The following NOS1AP variants were observed in gnomAD, a reference collection of about 807,000 sequenced individuals.
NOS1AP encodes the protein nitric oxide synthase 1 adaptor protein.
A neutral mutation model predicts 56.2 loss-of-function variants in NOS1AP; 21 were observed. The ratio of observed to expected loss-of-function variants is 0.37; its 90% CI spans 0.26 to 0.54. The LOEUF (loss-of-function observed/expected upper bound fraction) is 0.54, where lower values mean the gene tolerates loss of function less well. Among genes scored for constraint, NOS1AP ranks in the 20% least tolerant of loss-of-function variants. The pLI is 0.84. For missense variants in NOS1AP, 522 were observed against 657.8 expected (o/e 0.79, Z 2.26); for synonymous variants, 270 against 274.6 (o/e 0.98, Z 0.17).
chr1:162,107,956 CAATAA>C (rs1056213469), intron 1 of NOS1AP, among the ~76,000 whole-genome samples: 1 of 140,808 alleles, frequency 7.1e-6, no homozygotes, highest in Non-Finnish European at 1.6e-5. Context: ...GACATTTGAA[CAATAA>C]AATTAGGAAA....
At chr1:162,108,298 G>A (rs1577771) in intron 1 of NOS1AP, among the ~76,000 whole-genome samples, 31,885 of 152,096 alleles carry the variant, frequency 0.21, 4,640 homozygotes, top group South Asian at 0.56. Flanking sequence ...AGGAACCAAC[G>A]TGAAGAGGTT....
intron 2 of NOS1AP, among the ~76,000 whole-genome samples, chr1:162,246,482 G>T (rs759706296): frequency 6.6e-6 from 1 of 152,168 alleles, no homozygotes; most frequent in African/African-American, 2.4e-5. Context: ...GGCTGTTATG[G>T]TGTGAGTGCT....
At chr1:162,198,288 A>G (rs144287931) in intron 2 of NOS1AP, among the ~76,000 whole-genome samples, 23 of 152,326 alleles carry the variant, frequency 1.5e-4, no homozygotes, top group Admixed American at 7.8e-4. Context: ...AGCCATCTGC[A>G]TACGAATTGG....
At chr1:162,087,732 C>T (rs191544028) in intron 1 of NOS1AP, among the ~76,000 whole-genome samples, 13 of 152,270 alleles carry the variant, frequency 8.5e-5, no homozygotes, top group Admixed American at 5.9e-4. Context: ...TACTTAATGC[C>T]CATGTACTGG....
intron 6 of NOS1AP, among the ~76,000 whole-genome samples, chr1:162,349,824 A>G (rs1386220494): frequency 6.6e-6 from 1 of 152,156 alleles, no homozygotes; most frequent in Non-Finnish European, 1.5e-5. Flanking sequence ...CCCTCTGGTT[A>G]TTGTGTAGTG....
chr1:162,174,048 C>T (rs1301142817), intron 2 of NOS1AP, among the ~76,000 whole-genome samples: 2 of 152,162 alleles, frequency 1.3e-5, no homozygotes, highest in Non-Finnish European at 2.9e-5. Flanking sequence ...ACCCAGCCAT[C>T]CCATTACTGG....
At chr1:162,154,799 A>G (rs1253890728) in intron 2 of NOS1AP, among the ~76,000 whole-genome samples, 1 of 152,054 alleles carries the variant, frequency 6.6e-6, no homozygotes, top group Non-Finnish European at 1.5e-5. Context: ...CAAAGATTTT[A>G]GGGAAAAGGT....
chr1:162,081,750 C>CATA (rs1558090528), intron 1 of NOS1AP, among the ~76,000 whole-genome samples: 2 of 108,588 alleles, frequency 1.8e-5, no homozygotes, highest in African/African-American at 7.0e-5. Flanking sequence ...ATATCTATAT[C>CATA]TATAGATATA....
At chr1:162,352,884 G>GT (rs2101816946) in intron 6 of NOS1AP, among the ~76,000 whole-genome samples, 1 of 152,236 alleles carries the variant, frequency 6.6e-6, no homozygotes, top group Admixed American at 6.5e-5. Flanking sequence ...CTACTTGACT[G>GT]TTACACAGAC....
At chr1:162,093,012 CTTTG>C (rs984861929) in intron 1 of NOS1AP, among the ~76,000 whole-genome samples, 1 of 152,088 alleles carries the variant, frequency 6.6e-6, no homozygotes, top group Non-Finnish European at 1.5e-5. Flanking sequence ...TCTTCAGATC[CTTTG>C]TTTGAGATAG....
intron 1 of NOS1AP, among the ~76,000 whole-genome samples, chr1:162,071,628 G>T (rs1691661249): frequency 6.6e-6 from 1 of 152,190 alleles, no homozygotes; most frequent in Non-Finnish European, 1.5e-5. Flanking sequence ...GTATGGCTGG[G>T]ACAGAGTGGG....
intron 5 of NOS1AP, among the ~76,000 whole-genome samples, chr1:162,342,286 CA>C (rs1312550596): frequency 6.6e-6 from 1 of 152,190 alleles, no homozygotes; most frequent in Non-Finnish European, 1.5e-5. Context: ...AGCTGTAAAA[CA>C]ATTACTTCTA....
At chr1:162,234,096 A>G (rs1412959778) in intron 2 of NOS1AP, among the ~76,000 whole-genome samples, 2 of 152,214 alleles carry the variant, frequency 1.3e-5, no homozygotes, top group Non-Finnish European at 2.9e-5. Context: ...CTGCAAACAC[A>G]GGCAGAATGT....
intron 1 of NOS1AP, among the ~76,000 whole-genome samples, chr1:162,090,402 G>A (rs1692105724): frequency 6.6e-6 from 1 of 151,182 alleles, no homozygotes; most frequent in Non-Finnish European, 1.5e-5. Flanking sequence ...TTTTACTAGA[G>A]TATATGTTGA....
chr1:162,150,589 G>A (rs116817037), intron 1 of NOS1AP, among the ~76,000 whole-genome samples: 15 of 152,258 alleles, frequency 9.9e-5, no homozygotes, highest in Non-Finnish European at 1.5e-4. Context: ...GATAGTATAC[G>A]AGGGTTCTTT....
chr1:162,191,533 C>A (rs1651646877), intron 2 of NOS1AP, among the ~76,000 whole-genome samples: 1 of 152,188 alleles, frequency 6.6e-6, no homozygotes, highest in African/African-American at 2.4e-5. Flanking sequence ...TCCCCCAGGA[C>A]TCTTTAGCAT....
At chr1:162,328,010 A>T (rs116625038) in intron 4 of NOS1AP, among the ~76,000 whole-genome samples, 52 of 152,332 alleles carry the variant, frequency 3.4e-4, no homozygotes, top group African/African-American at 1.2e-3. Flanking sequence ...GAAATGAAGG[A>T]TTATGTAACT....
chr1:162,345,915 A>G (rs1204560663), intron 6 of NOS1AP, among the ~76,000 whole-genome samples: 1 of 152,238 alleles, frequency 6.6e-6, no homozygotes, highest in Non-Finnish European at 1.5e-5. Flanking sequence ...AAATTTAAAA[A>G]AACAAGAATA....
intron 6 of NOS1AP, among the ~76,000 whole-genome samples, chr1:162,354,316 A>T (rs529320343): frequency 2.0e-5 from 3 of 152,360 alleles, no homozygotes; most frequent in Admixed American, 2.0e-4. Flanking sequence ...AATATAGAAA[A>T]TGAAAATATT....
Sources: gnomAD v4.1 joint callset for allele counts (sites outside exome capture counted in the v4.1 genomes callset) on GRCh38, gnomAD v4.1.1 for gene constraint, MANE v1.5 for transcripts, NCBI Gene and HGNC (gene_info 2026-07-23, HGNC 2026-07-21) for gene names.